PDE12: variants seen among roughly 807,000 people sequenced by gnomAD.
PDE12 encodes 2',5'-phosphodiesterase 12.
In PDE12, 26 loss-of-function variants were observed where a neutral mutation model predicts 45.4. That is an observed-to-expected ratio of 0.57 (90% CI 0.42 to 0.79). PDE12 has a LOEUF of 0.79. Ranked by LOEUF, PDE12 falls within the 30% of genes least tolerant of loss-of-function variation. The probability of loss-of-function intolerance (pLI) is 0.00; values close to 1 mark genes in which losing one functional copy is unlikely to be tolerated. For synonymous variants in PDE12, 283 were observed against 323.9 expected (o/e 0.87, Z 1.36); for missense variants, 668 against 790.0 (o/e 0.85, Z 1.85).
At chr3:57,613,900 CAAAAAAAAA>C in the PDE12 span, among the ~76,000 whole-genome samples, 2 of 59,452 alleles carry the variant, frequency 3.4e-5, no homozygotes, top group Non-Finnish European at 2.9e-5. Context: ...GACTCCATCT[CAAAAAAAAA>C]AAAAAAAAAA....
At chr3:57,619,437 G>A in the PDE12 span, 2 of 152,364 alleles carry the variant, frequency 1.3e-5, no homozygotes, top group African/African-American at 4.8e-5. Flanking sequence ...ACTTGATAAA[G>A]AATATCTACA....
At chr3:57,655,444 G>A in the PDE12 span, among the ~76,000 whole-genome samples, 4 of 152,038 alleles carry the variant, frequency 2.6e-5, no homozygotes, top group Non-Finnish European at 5.9e-5. Context: ...TAGTGATGGG[G>A]GTAATTAACT....
the PDE12 span, among the ~76,000 whole-genome samples, chr3:57,653,801 T>C: frequency 6.8e-6 from 1 of 147,918 alleles, no homozygotes; most frequent in East Asian, 2.0e-4. Context: ...ATAGGATTAC[T>C]GAAATGAAGG....
chr3:57,621,674 A>C, the PDE12 span, among the ~76,000 whole-genome samples: 7 of 152,162 alleles, frequency 4.6e-5, no homozygotes, highest in Non-Finnish European at 8.8e-5. Context: ...ATAAAATAAA[A>C]TAAAAATAAT....
At chr3:57,639,255 GACA>G in the PDE12 span, among the ~76,000 whole-genome samples, 4 of 152,204 alleles carry the variant, frequency 2.6e-5, no homozygotes, top group Admixed American at 2.6e-4. Flanking sequence ...TAATGAAAAT[GACA>G]ACATCAAATG....
the PDE12 span, chr3:57,584,439 T>G: frequency 8.7e-6 from 14 of 1,613,648 alleles, no homozygotes; most frequent in Non-Finnish European, 1.2e-5. Context: ...ACAGAATGGT[T>G]GTCTTGCCAG....
At chr3:57,645,193 T>G in the PDE12 span, among the ~76,000 whole-genome samples, 7 of 152,180 alleles carry the variant, frequency 4.6e-5, no homozygotes, top group African/African-American at 1.7e-4. Flanking sequence ...CCGGGTGTGG[T>G]GGCTCACACC....
At chr3:57,575,628 T>G in the PDE12 span, 1 of 1,613,520 alleles carries the variant, frequency 6.2e-7, no homozygotes, top group Non-Finnish European at 8.5e-7. Flanking sequence ...TCCTGTTTGT[T>G]TGCAAAAAGT....
the PDE12 span, among the ~76,000 whole-genome samples, chr3:57,649,804 C>T: frequency 6.7e-6 from 1 of 149,774 alleles, no homozygotes; most frequent in South Asian, 2.1e-4. Context: ...GGATTGACCC[C>T]CCACCCCCAC....
rs1436792865 is a variant in PDE12 at position 57,556,821 on chromosome 3, C to A, written c.442C>A (p.Leu148Met). 3 of 1,613,730 alleles carry A rather than the reference C, an allele frequency of 1.9e-6. No individual in the cohort carries two copies. In the Admixed American group the frequency reaches 5.0e-5, roughly 27 times the overall value. ...NVDAWQDGAV[L>M]QIGDVKYKVE... ...GGATGCCTGGCAAGACGGCGCGGTGCTGCAGATCGGCGATGTTAAGTACAA... is the reference window on the plus strand; with the variant it reads ...GGATGCCTGGCAAGACGGCGCGGTGATGCAGATCGGCGATGTTAAGTACAA... The change falls in exon 1 of 3, where the codon CTG (leucine) becomes ATG (methionine). Residue 148 changes from leucine (L) to methionine (M), a missense_variant. Transcript: ENST00000311180. This position sits in a 1 kb window ranked among gnomAD's most constrained non-coding sequence, Gnocchi z 5.0.
the PDE12 span, chr3:57,645,786 A>C: frequency 5.8e-6 from 9 of 1,540,162 alleles, no homozygotes; most frequent in Non-Finnish European, 8.1e-6. Flanking sequence ...TGTAAAATAA[A>C]GGACACAGAA....
chr3:57,625,162 C>G, the PDE12 span, among the ~76,000 whole-genome samples: 1 of 152,186 alleles, frequency 6.6e-6, no homozygotes, highest in Non-Finnish European at 1.5e-5. Context: ...GCCTCAGCCT[C>G]CTGAAGTGCT....
chr3:57,598,297 C>T, the PDE12 span: 1 of 152,174 alleles, frequency 6.6e-6, no homozygotes, highest in Non-Finnish European at 1.5e-5. Context: ...CTATGTGGTT[C>T]TGTAGTTGCT....
the PDE12 span, among the ~76,000 whole-genome samples, chr3:57,644,355 G>A: frequency 6.6e-6 from 1 of 151,864 alleles, no homozygotes; most frequent in Non-Finnish European, 1.5e-5. Context: ...CCCAGGGCTG[G>A]AGTCCAGTGG....
chr3:57,643,904 C>A, the PDE12 span, among the ~76,000 whole-genome samples: 1 of 151,304 alleles, frequency 6.6e-6, no homozygotes, highest in Non-Finnish European at 1.5e-5. Context: ...AATCCCAACA[C>A]TTTTGGGAAG....
chr3:57,603,139 C>A, the PDE12 span, among the ~76,000 whole-genome samples: 1 of 151,982 alleles, frequency 6.6e-6, no homozygotes, highest in South Asian at 2.1e-4. Context: ...TGCACTCTAG[C>A]CTGGGCAACA....
chr3:57,612,482 A>G, the PDE12 span, among the ~76,000 whole-genome samples: 1 of 152,162 alleles, frequency 6.6e-6, no homozygotes, highest in African/African-American at 2.4e-5. Context: ...AAGTGAAACC[A>G]TTAAAAATAT....
At chr3:57,645,759 G>A in the PDE12 span, 212 of 1,606,380 alleles carry the variant, frequency 1.3e-4, 1 homozygote, top group Non-Finnish European at 3.9e-5. Flanking sequence ...AAATACAGCT[G>A]TGGAGCAGGA....
downstream of PDE12, among the ~76,000 whole-genome samples, chr3:57,568,473 A>G (rs1161274852): frequency 1.3e-4 from 20 of 152,108 alleles, no homozygotes; most frequent in Admixed American, 1.3e-3. Flanking sequence ...AAGTTTGATC[A>G]TAGTAAGTGA....
Sources: gnomAD v4.1 joint callset for allele counts (sites outside exome capture counted in the v4.1 genomes callset) on GRCh38, gnomAD v4.1.1 for gene constraint, Gnocchi (gnomAD v3.1) non-coding constraint, MANE v1.5 for transcripts, NCBI Gene and HGNC (gene_info 2026-07-23, HGNC 2026-07-21) for gene names.